The following SLC4A3 variants were observed in gnomAD, a reference collection of about 807,000 sequenced individuals.
SLC4A3 encodes solute carrier family 4 member 3.
A neutral mutation model predicts 114.2 loss-of-function variants in SLC4A3; 47 were observed. The ratio of observed to expected loss-of-function variants is 0.41; its 90% confidence interval spans 0.33 to 0.52. The LOEUF is 0.52. Among genes scored for constraint, SLC4A3 ranks in the 20% least tolerant of loss-of-function variants. SLC4A3 has a pLI of 0.21. For synonymous variants in SLC4A3, 693 were observed against 710.3 expected (o/e 0.98, Z 0.39); for missense variants, 1,312 against 1,668.3 (o/e 0.79, Z 3.72).
At chr2:219,632,635 G>A (rs1050333608) in intron 8 of SLC4A3, among the ~76,000 whole-genome samples, 193 bp downstream of exon 8, 1 of 152,260 alleles carries the variant, frequency 6.6e-6, no homozygotes, top group African/African-American at 2.4e-5. Context: ...CATGCAGTCA[G>A]TCAACAAATG....
At chr2:219,632,744 T>G (rs1357243940) in intron 8 of SLC4A3, 130 bp from the exon 9 acceptor site, 1 of 1,141,852 alleles carries the variant, frequency 8.8e-7, no homozygotes, top group African/African-American at 1.5e-5. Context: ...GAGCTGTGTA[T>G]CCATCTGGGT....
chr2:219,631,289 T>C lies in SLC4A3; in HGVS notation c.812-679T>C. The C allele has an allele frequency of 7.7e-7, 1 of 1,301,830 alleles. No homozygotes were observed. The highest frequency in any genetic ancestry group is 1.0e-6 in the Non-Finnish European group (1 of 987,224). 80.6% of individuals were successfully genotyped at this position (1,301,830 alleles called of 1,614,324 possible). On this transcript the variant is annotated intron_variant, in intron 6 of 22. Transcript: ENST00000358055. The surrounding 1 kb of genome is among the most constrained non-coding windows in gnomAD (Gnocchi z 6.3). ...CTGAGCCCAATGGGGCACTGAGCCC[T>C]GGGCCTGGGGATACCAATAGCTGGG...
chr2:219,639,717 C>G lies in SLC4A3; in HGVS notation c.3259C>G (p.Leu1087Val), dbSNP rs770321970. 21 of 1,608,324 alleles carry G rather than the reference C, an allele frequency of 1.3e-5. No homozygotes were observed. The Admixed American group carries it at 2.2e-4, about 17-fold the overall frequency. ...EVREQRVTGV[L>V]IASLVGLSIV... ...GCGGGAGCAGCGGGTCACTGGTGTGCTCATCGCCAGCCTCGTGGGTGAGAG... is the reference window on the plus strand; with the variant it reads ...GCGGGAGCAGCGGGTCACTGGTGTGGTCATCGCCAGCCTCGTGGGTGAGAG... The change falls in exon 20 of 23, where the codon CTC (leucine) becomes GTC (valine). Residue 1087 changes from leucine (L) to valine (V), a missense_variant. Transcript: ENST00000358055. This position sits in a 1 kb window ranked among gnomAD's most constrained non-coding sequence, Gnocchi z 5.9.
chr2:219,635,656 G>A lies in SLC4A3; in HGVS notation c.1973-17G>A. The A allele has an allele frequency of 6.4e-7, 1 of 1,558,982 alleles. No homozygotes were observed. The highest frequency in any genetic ancestry group is 8.7e-7 in the Non-Finnish European group (1 of 1,149,558). ...AGAGGGAGTGGTCTGTGCCCCAGCA[G>A]CCCCTTGTTCCCCCAGAACTGTCTT... is the stretch of plus-strand genomic sequence containing the variant. On this transcript the variant is annotated splice_polypyrimidine_tract_variant and intron_variant, in intron 13 of 22. Transcript: ENST00000358055.
At chr2:219,635,211 C>G in intron 12 of SLC4A3, 60 bp from the exon 13 acceptor site, 1 of 1,404,750 alleles carries the variant, frequency 7.1e-7, no homozygotes, top group Non-Finnish European at 1.0e-6. Flanking sequence ...CGCCTCAAGT[C>G]TCCCTCCTGG....
chr2:219,639,934 C>G lies in SLC4A3; in HGVS notation c.3277+199C>G, dbSNP rs1177805523. On this transcript the variant is annotated intron_variant, in intron 20 of 22. Transcript: ENST00000358055. This position sits in a 1 kb window ranked among gnomAD's most constrained non-coding sequence, Gnocchi z 5.9. ...GGCTCTCTGTCCTGCCCCCTCTTCT[C>G]TCTCTTTTTTTTTGAGACGGAGTCT... 6.6e-6 allele frequency among the ~76,000 whole-genome samples: 1 copy of G among 152,114 alleles called. No individual in the cohort carries two copies. The highest frequency in any genetic ancestry group is 1.5e-5 in the Non-Finnish European group (1 of 68,020).
chr2:219,641,856 G>C lies in SLC4A3; in HGVS notation c.*128G>C. 1 of 720,614 alleles carries C rather than the reference G, an allele frequency of 1.4e-6. No homozygotes were observed. Among genetic ancestry groups the C allele is most frequent in the Non-Finnish European group, 2.4e-6 (1 of 422,270 alleles). 44.6% of individuals were successfully genotyped at this position (720,614 alleles called of 1,614,324 possible). A position where few individuals can be genotyped will look rare whatever the true frequency, so the allele number is the denominator to read the frequency against. On this transcript the variant is annotated 3_prime_UTR_variant, in exon 23 of 23. Coordinates refer to ENST00000358055, the MANE Select transcript of SLC4A3 (RefSeq NM_005070.4). This position sits in a 1 kb window ranked among gnomAD's most constrained non-coding sequence, Gnocchi z 4.0. ...AGATGTGCCTGGAACCACTCCTGAT[G>C]CCATGGCTAGAGTGGCCCCCCTGAC...
rs1371528432 is a variant in SLC4A3, at chr2:219,627,731, C to T, written c.-108C>T. 1 of 279,454 alleles carries T rather than the reference C, an allele frequency of 3.6e-6. No individual in the cohort carries two copies. The highest frequency in any genetic ancestry group is 6.0e-5 in the East Asian group (1 of 16,546). The allele number at this position is 279,454 out of a possible 1,614,324, so 17.3% of individuals were successfully genotyped here. A position where few individuals can be genotyped will look rare whatever the true frequency, so the allele number is the denominator to read the frequency against. ...CGGCGGCCCGCCTGGGCCTCGCAGG[C>T]TCCGGAGCCCCGAGGTACCGCGGGG... On this transcript the variant is annotated 5_prime_UTR_variant, in exon 1 of 23. Coordinates refer to ENST00000358055, the MANE Select transcript of SLC4A3 (RefSeq NM_005070.4).
intron 8 of SLC4A3, 132 bp downstream of exon 8, chr2:219,632,574 C>A: frequency 8.8e-7 from 1 of 1,133,018 alleles, no homozygotes; most frequent in South Asian, 1.7e-5. Flanking sequence ...CCGTGGGGGT[C>A]CATTTGCCTG....
chr2:219,628,358 G>T lies in SLC4A3; in HGVS notation c.52-47G>T. The T allele has an allele frequency of 1.3e-6, 2 of 1,538,110 alleles. No homozygotes were observed. Among genetic ancestry groups the T allele is most frequent in the Non-Finnish European group, 1.7e-6 (2 of 1,143,666 alleles). On this transcript the variant is annotated intron_variant, in intron 2 of 22. Coordinates refer to ENST00000358055, the MANE Select transcript of SLC4A3 (RefSeq NM_005070.4). The surrounding 1 kb of genome is among the most constrained non-coding windows in gnomAD (Gnocchi z 4.8). ...GGCTTGGAGTTGGGGTGGGTGTGGG[G>T]CCTTCATGGGTCAGGGGTCCTTAGC...
At chr2:219,629,463 G>A (rs1447188711) in intron 4 of SLC4A3, 42 bp downstream of exon 4, 12 of 1,604,784 alleles carry the variant, frequency 7.5e-6, no homozygotes, top group Non-Finnish European at 9.4e-6. Flanking sequence ...CAGGGGTCAG[G>A]GAGGGGTACA....
Position 219,630,203 on chromosome 2 carries a change from G to A in SLC4A3, c.662G>A (p.Arg221Gln), listed in dbSNP as rs140221782. Residue 221 changes from arginine (R) to glutamine (Q), a missense_variant, in exon 6 of 23, where the codon CGG (arginine) becomes CAG (glutamine). This residue lies in a region of SLC4A3 where 771 missense variants were observed against 977.7 expected (regional missense o/e 0.79). Transcript: ENST00000358055. The surrounding 1 kb of genome is among the most constrained non-coding windows in gnomAD (Gnocchi z 6.9). The part of the protein sequence containing the change: ...RASRLAGEKS[R>Q]PWSPSASYDL... ...TCCCGACTCGCTGGGGAGAAAAGCC[G>A]GCCCTGGAGCCCATCGGCCAGTTAT... 26 of 1,607,272 alleles carry A rather than the reference G, an allele frequency of 1.6e-5. No individual in the cohort carries two copies. Among genetic ancestry groups the A allele is most frequent in the African/African-American group, 1.5e-4 (11 of 74,826 alleles).
In SLC4A3 at chr2:219,637,484, T is replaced by C. The variant is rs1040241456; in HGVS notation, c.2536-97T>C. On this transcript the variant is annotated intron_variant, in intron 16 of 22. Coordinates refer to ENST00000358055, the MANE Select transcript of SLC4A3 (RefSeq NM_005070.4). The surrounding 1 kb of genome is among the most constrained non-coding windows in gnomAD (Gnocchi z 4.6). ...TGCATTACTGTTGTCTGACCAGGTA[T>C]TGAGGGGCCACCCTCTCTCTCACAG... The C allele has an allele frequency of 1.5e-6, 1 of 681,068 alleles. No individual in the cohort carries two copies. Among genetic ancestry groups the C allele is most frequent in the African/African-American group, 1.8e-5 (1 of 55,684 alleles). The allele number at this position is 681,068 out of a possible 1,614,324, so 42.2% of individuals were successfully genotyped here.
chr2:219,632,516 C>T (rs1698962998), intron 8 of SLC4A3, 74 bp downstream of exon 8: 2 of 1,447,634 alleles, frequency 1.4e-6, no homozygotes, highest in Non-Finnish European at 1.8e-6. Context: ...TTCCCAGGAA[C>T]ACTCTCTAGA....
Position 219,630,460 on chromosome 2 carries a change from T to C in SLC4A3, c.811+108T>C. 3.3e-6 allele frequency: 4 copies of C among 1,194,036 alleles called. No individual in the cohort carries two copies. Among genetic ancestry groups the C allele is most frequent in the Non-Finnish European group, 4.6e-6 (4 of 868,864 alleles). The allele number at this position is 1,194,036 out of a possible 1,614,324, so 74.0% of individuals were successfully genotyped here. ...GTCCCCTGCTAAGGGCTGAGTCCTC[T>C]CTGAATCCCTGTCTGCTGGGATGTG... is the stretch of plus-strand genomic sequence containing the variant. On this transcript the variant is annotated intron_variant, in intron 6 of 22. Coordinates refer to ENST00000358055, the MANE Select transcript of SLC4A3 (RefSeq NM_005070.4). The surrounding 1 kb of genome is among the most constrained non-coding windows in gnomAD (Gnocchi z 6.9).
At position 219,627,706 on chromosome 2, in the gene SLC4A3, C is replaced by T; in HGVS notation, c.-133C>T. The T allele has an allele frequency of 4.5e-6, 1 of 224,302 alleles. No individual in the cohort carries two copies. The highest frequency in any genetic ancestry group is 8.7e-6 in the Non-Finnish European group (1 of 115,044). 13.9% of individuals were successfully genotyped at this position (224,302 alleles called of 1,614,324 possible). A position where few individuals can be genotyped will look rare whatever the true frequency, so the allele number is the denominator to read the frequency against. ...GAGAGAGCGCGGGGGACATGGGGCGCGGCGGCCCGCCTGGGCCTCGCAGGC... is the reference window on the plus strand; with the variant it reads ...GAGAGAGCGCGGGGGACATGGGGCGTGGCGGCCCGCCTGGGCCTCGCAGGC... On this transcript the variant is annotated 5_prime_UTR_variant, in exon 1 of 23. Coordinates refer to ENST00000358055, the MANE Select transcript of SLC4A3 (RefSeq NM_005070.4).
Position 219,630,350 on chromosome 2 carries a change from AGAGT to A in SLC4A3, c.811+6_811+9del, listed in dbSNP as rs1341147676. 2 of 1,597,616 alleles carry A rather than the reference AGAGT, an allele frequency of 1.3e-6. No homozygotes were observed. Among genetic ancestry groups the A allele is most frequent in the Non-Finnish European group, 1.7e-6 (2 of 1,172,216 alleles). Reference sequence around the variant, plus strand: ...GGTTCTGCAGACCTGGACGACATGAAGAGTGAGTGAGACCTTGTGGCAGCCCCCA... The same window carrying A: ...GGTTCTGCAGACCTGGACGACATGAAGAGTGAGACCTTGTGGCAGCCCCCA... On this transcript the variant is annotated splice_donor_variant and coding_sequence_variant, in exon 6 of 23. Coordinates refer to ENST00000358055, the MANE Select transcript of SLC4A3 (RefSeq NM_005070.4). LOFTEE classifies it high-confidence loss of function. This position sits in a 1 kb window ranked among gnomAD's most constrained non-coding sequence, Gnocchi z 6.9.
Position 219,636,456 on chromosome 2 carries a change from G to A in SLC4A3, c.2340+6G>A. 6.3e-7 allele frequency: 1 copy of A among 1,597,988 alleles called. No homozygotes were observed. Among genetic ancestry groups the A allele is most frequent in the South Asian group, 1.1e-5 (1 of 87,708 alleles). On this transcript the variant is annotated splice_donor_region_variant and intron_variant, in intron 15 of 22. Coordinates refer to ENST00000358055, the MANE Select transcript of SLC4A3 (RefSeq NM_005070.4). This position sits in a 1 kb window ranked among gnomAD's most constrained non-coding sequence, Gnocchi z 5.5. ...TTGAGGAAGCCTTCTTCAAGGTGAG[G>A]CGAAGCCTTGCCCTGCTCCATCCAT... is the stretch of plus-strand genomic sequence containing the variant.
chr2:219,638,371 G>T lies in SLC4A3; in HGVS notation c.2856+118G>T, dbSNP rs1699204023. 1 of 835,726 alleles carries T rather than the reference G, an allele frequency of 1.2e-6. No individual in the cohort carries two copies. The highest frequency in any genetic ancestry group is 1.9e-6 in the Non-Finnish European group (1 of 518,140). The allele number at this position is 835,726 out of a possible 1,614,324, so 51.8% of individuals were successfully genotyped here. ...AGGCCTGAACTCAACTTTCCCAGTG[G>T]AGTGGCCGCCCTGGGGGCTGAGGGC... On this transcript the variant is annotated intron_variant, in intron 18 of 22. Coordinates refer to ENST00000358055, the MANE Select transcript of SLC4A3 (RefSeq NM_005070.4). This position sits in a 1 kb window ranked among gnomAD's most constrained non-coding sequence, Gnocchi z 7.5.
Sources: gnomAD v4.1 joint callset for allele counts (sites outside exome capture counted in the v4.1 genomes callset) on GRCh38, gnomAD v4.1.1 for gene constraint, gnomAD v4.1.1 regional missense constraint, Gnocchi (gnomAD v3.1) non-coding constraint, MANE v1.5 for transcripts, NCBI Gene and HGNC (gene_info 2026-07-23, HGNC 2026-07-21) for gene names.